Variants in CATSPERT observed in about 807,000 individuals in gnomAD.
CATSPERT encodes cation channel sperm-associated targeting subunit tau.
the CATSPERT span, among the ~76,000 whole-genome samples, chr2:201,536,808 T>C: frequency 6.6e-6 from 1 of 151,940 alleles, no homozygotes; most frequent in Non-Finnish European, 1.5e-5. Flanking sequence ...AAAAATTCTC[T>C]ATATTATCTT....
chr2:201,560,926 G>A, the CATSPERT span, among the ~76,000 whole-genome samples: 1 of 152,042 alleles, frequency 6.6e-6, no homozygotes, highest in African/African-American at 2.4e-5. Flanking sequence ...GGGATTACAG[G>A]TGCCCGCCAC....
chr2:201,492,267 A>T, the CATSPERT span: 5 of 1,531,980 alleles, frequency 3.3e-6, no homozygotes, highest in Non-Finnish European at 4.4e-6. Flanking sequence ...TTAATGGTAT[A>T]GAACTAGAAT....
the CATSPERT span, chr2:201,575,419 G>T: frequency 2.1e-6 from 2 of 938,394 alleles, no homozygotes; most frequent in East Asian, 2.9e-5. Flanking sequence ...CTAGGCCATG[G>T]ACTGGTGCTG....
chr2:201,522,142 A>G, the CATSPERT span, among the ~76,000 whole-genome samples: 1 of 152,216 alleles, frequency 6.6e-6, no homozygotes, highest in African/African-American at 2.4e-5. Context: ...TCAACATAGT[A>G]CTGGAAGTTC....
At chr2:201,590,732 G>A in the CATSPERT span, among the ~76,000 whole-genome samples, 2 of 152,112 alleles carry the variant, frequency 1.3e-5, no homozygotes, top group African/African-American at 4.8e-5. Context: ...TTCTCTGATG[G>A]CCAGTGATGG....
the CATSPERT span, among the ~76,000 whole-genome samples, chr2:201,560,447 TAATAATAATAATAATAATAATAACAAC>T: frequency 1.1e-4 from 15 of 137,968 alleles, no homozygotes; most frequent in East Asian, 3.9e-4. Flanking sequence ...ATAATAATAA[TAATAATAATAATAATAATAATAACAAC>T]AACAACAACA....
the CATSPERT span, among the ~76,000 whole-genome samples, chr2:201,503,393 G>A: frequency 6.6e-6 from 1 of 151,970 alleles, no homozygotes; most frequent in African/African-American, 2.4e-5. Context: ...GGTATACCTG[G>A]TAATTTTAAA....
At chr2:201,515,233 T>TAG in the CATSPERT span, among the ~76,000 whole-genome samples, 29 of 80,216 alleles carry the variant, frequency 3.6e-4, 3 homozygotes, top group Middle Eastern at 5.0e-3. Flanking sequence ...TTTTTTTTTT[T>TAG]TTTTTTTTTT....
chr2:201,542,412 T>C, the CATSPERT span, among the ~76,000 whole-genome samples: 1 of 152,170 alleles, frequency 6.6e-6, no homozygotes, highest in South Asian at 2.1e-4. Context: ...GATCATATGA[T>C]TTATCTATTT....
chr2:201,529,897 C>T, the CATSPERT span, among the ~76,000 whole-genome samples: 1 of 152,006 alleles, frequency 6.6e-6, no homozygotes, highest in African/African-American at 2.4e-5. Flanking sequence ...GGTACACAAA[C>T]AACCCAAAAG....
the CATSPERT span, chr2:201,545,639 A>G: frequency 8.3e-6 from 7 of 839,356 alleles, no homozygotes; most frequent in African/African-American, 7.3e-5. Context: ...CAAAAAAAAA[A>G]AAAAAAAAAA....
At chr2:201,601,005 C>T in the CATSPERT span, among the ~76,000 whole-genome samples, 1 of 152,120 alleles carries the variant, frequency 6.6e-6, no homozygotes, top group Admixed American at 6.6e-5. Context: ...CCACTTCAGC[C>T]TCCCAAAGTG....
chr2:201,567,664 C>G, the CATSPERT span, among the ~76,000 whole-genome samples: 8,377 of 152,294 alleles, frequency 0.055, 281 homozygotes, highest in African/African-American at 0.08. Flanking sequence ...GAGGAATTCT[C>G]TCTTACCCCA....
At chr2:201,515,201 AGTTTTTTT>A in the CATSPERT span, among the ~76,000 whole-genome samples, 2 of 70,270 alleles carry the variant, frequency 2.8e-5, 1 homozygote, top group Admixed American at 4.2e-4. Context: ...ATCTGCCCAT[AGTTTTTTT>A]TTTTTTTTTT....
At chr2:201,561,059 G>A in the CATSPERT span, among the ~76,000 whole-genome samples, 311 of 152,272 alleles carry the variant, frequency 2.0e-3, 2 homozygotes, top group African/African-American at 7.1e-3. Flanking sequence ...GGAATTACAG[G>A]CGTGAGCCAC....
chr2:201,582,291 T>C, the CATSPERT span: 1 of 1,302,066 alleles, frequency 7.7e-7, no homozygotes, highest in Non-Finnish European at 1.1e-6. Context: ...ACATCCAATA[T>C]ACTATTACTA....
chr2:201,595,897 C>G, the CATSPERT span, among the ~76,000 whole-genome samples: 1 of 88,066 alleles, frequency 1.1e-5, no homozygotes, highest in Non-Finnish European at 2.2e-5. Flanking sequence ...ATGGCTATTA[C>G]TAAAAACTCA....
the CATSPERT span, among the ~76,000 whole-genome samples, chr2:201,507,790 G>T: frequency 1.3e-5 from 2 of 152,090 alleles, no homozygotes; most frequent in African/African-American, 2.4e-5. Context: ...AAGCATGACT[G>T]GGGGGGCCTC....
chr2:201,511,445 G>A, the CATSPERT span, among the ~76,000 whole-genome samples: 1 of 152,128 alleles, frequency 6.6e-6, no homozygotes, highest in African/African-American at 2.4e-5. Flanking sequence ...ATAGGACCAT[G>A]GAAGAATCTG....
Sources: gnomAD v4.1 joint callset for allele counts (sites outside exome capture counted in the v4.1 genomes callset) on GRCh38, gnomAD v4.1.1 for gene constraint, MANE v1.5 for transcripts, NCBI Gene and HGNC (gene_info 2026-07-23, HGNC 2026-07-21) for gene names.